The following RSRC1 variants were observed in gnomAD, a reference collection of about 807,000 sequenced individuals.
The protein encoded by RSRC1 is arginine and serine rich coiled-coil 1, also known as serine/Arginine-related protein 53.
RSRC1 carries 39 observed loss-of-function variants against 49.1 expected under a neutral mutation model. The ratio of observed to expected loss-of-function variants is 0.79; its 90% CI spans 0.61 to 1.04. The LOEUF is 1.04. Ranked by LOEUF, RSRC1 falls within the 50% of genes least tolerant of loss-of-function variation. The pLI is 0.00. For missense variants in RSRC1, 388 were observed against 402.4 expected, an observed-to-expected ratio of 0.96 and a Z score of 0.31; for synonymous variants, 143 against 130.8, an observed-to-expected ratio of 1.09 and a Z score of -0.63.
At chr3:158,189,233 C>T (rs921226049) in intron 3 of RSRC1, among the ~76,000 whole-genome samples, 5 of 151,722 alleles carry the variant, frequency 3.3e-5, no homozygotes, top group Admixed American at 2.0e-4. Flanking sequence ...CTTCGTGGCC[C>T]GCCATATACT....
At chr3:158,542,142 G>T (rs1173825487) in intron 8 of RSRC1, among the ~76,000 whole-genome samples, 1 of 151,950 alleles carries the variant, frequency 6.6e-6, no homozygotes, top group Non-Finnish European at 1.5e-5. Flanking sequence ...CTGATGAATG[G>T]ATAAATAAAA....
chr3:158,144,483 C>A (rs1030956640), intron 3 of RSRC1, among the ~76,000 whole-genome samples: 1 of 152,148 alleles, frequency 6.6e-6, no homozygotes, highest in African/African-American at 2.4e-5. Flanking sequence ...TTTACGGCTG[C>A]ATAGTATTCC....
chr3:158,534,852 ATG>A (rs1385584281), intron 7 of RSRC1, among the ~76,000 whole-genome samples: 1 of 151,470 alleles, frequency 6.6e-6, no homozygotes, highest in African/African-American at 2.4e-5. Flanking sequence ...ACATAGTAGT[ATG>A]TAGTATGCTA....
intron 1 of RSRC1, among the ~76,000 whole-genome samples, chr3:158,113,948 T>C (rs1268714771): frequency 1.3e-5 from 2 of 152,094 alleles, no homozygotes; most frequent in Non-Finnish European, 2.9e-5. Context: ...CTATAGATTG[T>C]CTGTTCGTTC....
chr3:158,123,827 A>C (rs113929330), intron 2 of RSRC1, 39 bp from the exon 3 acceptor site: 9 of 1,564,266 alleles, frequency 5.8e-6, no homozygotes, highest in African/African-American at 4.1e-5. Context: ...CATAATAAAA[A>C]TTTTTATAGC....
chr3:158,516,108 A>G (rs1740511584), intron 7 of RSRC1, among the ~76,000 whole-genome samples: 2 of 152,194 alleles, frequency 1.3e-5, no homozygotes, highest in South Asian at 4.1e-4. Context: ...CGTCAAAGTC[A>G]TTCTCCGTCC....
intron 5 of RSRC1, among the ~76,000 whole-genome samples, chr3:158,316,710 C>T (rs1026005398): frequency 3.3e-5 from 5 of 152,068 alleles, no homozygotes; most frequent in Non-Finnish European, 7.4e-5. Context: ...TCCCAAAGTG[C>T]TGGGATTACA....
chr3:158,314,081 A>AATTGTTGTT (rs1327948977), intron 5 of RSRC1, among the ~76,000 whole-genome samples: 14 of 151,938 alleles, frequency 9.2e-5, no homozygotes, highest in Admixed American at 1.3e-4. Context: ...CATTATTGAA[A>AATTGTTGTT]ATTGTTGTTG....
intron 3 of RSRC1, among the ~76,000 whole-genome samples, chr3:158,169,678 C>G (rs1039747305): frequency 6.6e-6 from 1 of 152,166 alleles, no homozygotes; most frequent in African/African-American, 2.4e-5. Flanking sequence ...CTAACCCCAT[C>G]TGCTTCTCTT....
intron 6 of RSRC1, among the ~76,000 whole-genome samples, chr3:158,404,671 T>G (rs1017248975): frequency 1.1e-4 from 16 of 151,998 alleles, no homozygotes; most frequent in African/African-American, 3.6e-4. Flanking sequence ...CTCATTTCTT[T>G]AATATACAGT....
chr3:158,366,018 TTAAGTTCCTTATAGA>T (rs1007409234), intron 6 of RSRC1, among the ~76,000 whole-genome samples: 1 of 152,094 alleles, frequency 6.6e-6, no homozygotes, highest in Admixed American at 6.5e-5. Flanking sequence ...GTAAATTTGT[TTAAGTTCCTTATAGA>T]TTCTGGATAT....
chr3:158,359,093 G>C (rs1031972759), intron 6 of RSRC1, among the ~76,000 whole-genome samples: 13 of 152,062 alleles, frequency 8.5e-5, no homozygotes, highest in African/African-American at 2.9e-4. Flanking sequence ...TGATAGTGGG[G>C]TCATTTGGTA....
At chr3:158,243,781 G>T (rs1439693817) in intron 4 of RSRC1, among the ~76,000 whole-genome samples, 1 of 151,914 alleles carries the variant, frequency 6.6e-6, no homozygotes, top group Non-Finnish European at 1.5e-5. Context: ...GTATTCCTAG[G>T]TATTTTATTC....
intron 5 of RSRC1, among the ~76,000 whole-genome samples, chr3:158,316,173 A>G (rs368705293): frequency 4.0e-5 from 6 of 148,300 alleles, no homozygotes; most frequent in Admixed American, 1.3e-4. Flanking sequence ...CTCGGTCTCA[A>G]AAAAAAAAAA....
chr3:158,211,127 C>G (rs999563927), intron 4 of RSRC1, among the ~76,000 whole-genome samples: 2 of 151,756 alleles, frequency 1.3e-5, no homozygotes, highest in East Asian at 3.9e-4. Flanking sequence ...TTTAGTGGAC[C>G]CTTTGCAAGA....
At chr3:158,521,759 T>C (rs912284062) in intron 7 of RSRC1, among the ~76,000 whole-genome samples, 1 of 152,116 alleles carries the variant, frequency 6.6e-6, no homozygotes, top group African/African-American at 2.4e-5. Context: ...TAAAAACAAA[T>C]TAATGGTTAA....
At chr3:158,259,850 G>T (rs1724789923) in intron 4 of RSRC1, among the ~76,000 whole-genome samples, 1 of 152,084 alleles carries the variant, frequency 6.6e-6, no homozygotes, top group African/African-American at 2.4e-5. Context: ...CTCTCCCTAT[G>T]GCCTCACTGC....
intron 7 of RSRC1, among the ~76,000 whole-genome samples, chr3:158,517,254 A>C (rs1298697552): frequency 6.6e-6 from 1 of 152,184 alleles, no homozygotes; most frequent in Non-Finnish European, 1.5e-5. Flanking sequence ...TTTTGTACCT[A>C]ACAAATTATC....
chr3:158,353,449 G>T (rs566761641), intron 5 of RSRC1, among the ~76,000 whole-genome samples: 2 of 152,336 alleles, frequency 1.3e-5, no homozygotes, highest in East Asian at 3.9e-4. Flanking sequence ...ACAAAAGCCA[G>T]TAGGCACTAT....
Sources: allele counts gnomAD v4.1 joint callset (sites outside exome capture counted in the v4.1 genomes callset), GRCh38; gene constraint gnomAD v4.1.1; transcripts MANE v1.5; gene names NCBI Gene and HGNC (gene_info 2026-07-23, HGNC 2026-07-21).